GLRA3: variants seen among roughly 807,000 people sequenced by gnomAD.
The protein encoded by GLRA3 is glycine receptor subunit alpha-3.
A neutral mutation model predicts 60.4 loss-of-function variants in GLRA3; 44 were observed. The observed-to-expected ratio is 0.73, with a 90% CI of 0.57 to 0.94. GLRA3 has a LOEUF of 0.94. Among genes scored for constraint, GLRA3 ranks in the 40% least tolerant of loss-of-function variants. The pLI, the probability that GLRA3 is intolerant of heterozygous loss-of-function variation, is 0.00. For synonymous variants in GLRA3, 223 were observed against 192.9 expected (o/e 1.16, Z -1.29); for missense variants, 508 against 564.6 (o/e 0.90, Z 1.02).
intron 3 of GLRA3, among the ~76,000 whole-genome samples, chr4:174,761,296 C>A (rs754404695): frequency 6.6e-6 from 1 of 151,824 alleles, no homozygotes; most frequent in Non-Finnish European, 1.5e-5. Context: ...AGGTATCTCT[C>A]GAGAATCTAA....
intron 3 of GLRA3, among the ~76,000 whole-genome samples, chr4:174,733,465 A>G (rs1332396555): frequency 6.6e-6 from 1 of 152,162 alleles, no homozygotes; most frequent in East Asian, 1.9e-4. Flanking sequence ...AAAGATAGCA[A>G]AGGGCCCAGC....
At chr4:174,765,709 C>A (rs1016655068) in intron 3 of GLRA3, among the ~76,000 whole-genome samples, 5 of 151,922 alleles carry the variant, frequency 3.3e-5, no homozygotes, top group African/African-American at 1.2e-4. Context: ...AGAAATTGCA[C>A]CAGAACCAGA....
At position 174,691,271 on chromosome 4, in the gene GLRA3, A is replaced by T. The variant is rs140011670; in HGVS notation, c.575-8332T>A. Among the ~76,000 whole-genome samples the T allele has an allele frequency of 4.8e-3, 736 of 152,144 alleles. 2 individuals are homozygous for T. Among genetic ancestry groups the T allele is most frequent in the Middle Eastern group, 0.02 (6 of 294 alleles). On this transcript the variant is annotated intron_variant, in intron 5 of 9. Transcript: ENST00000274093. ...AAGATGGTATCTCATTGTGGTTTTGACTTGGATTTCTCTAATGGTCAGTGA... is the reference window on the plus strand; with the variant it reads ...AAGATGGTATCTCATTGTGGTTTTGTCTTGGATTTCTCTAATGGTCAGTGA...
intron 3 of GLRA3, among the ~76,000 whole-genome samples, chr4:174,766,616 T>G (rs1216711417): frequency 6.6e-6 from 1 of 152,064 alleles, no homozygotes; most frequent in East Asian, 1.9e-4. Context: ...GTAAGTGGGG[T>G]ACAGAGTAAA....
intron 7 of GLRA3, among the ~76,000 whole-genome samples, chr4:174,663,019 T>C (rs895772093): frequency 6.6e-6 from 1 of 152,056 alleles, no homozygotes; most frequent in Non-Finnish European, 1.5e-5. Context: ...AGATGACATA[T>C]GGAGATTCAC....
intron 3 of GLRA3, among the ~76,000 whole-genome samples, chr4:174,736,164 T>A (rs1371459952): frequency 1.3e-5 from 2 of 152,176 alleles, no homozygotes; most frequent in Non-Finnish European, 2.9e-5. Flanking sequence ...TTCTAACTAC[T>A]GTGTTTCCTT....
At chr4:174,681,402 C>A (rs532373992) in intron 6 of GLRA3, among the ~76,000 whole-genome samples, 23 of 152,202 alleles carry the variant, frequency 1.5e-4, no homozygotes, top group African/African-American at 5.5e-4. Context: ...TTTGCAGATA[C>A]AATCAAGTTA....
chr4:174,739,732 G>A (rs1736940141), intron 3 of GLRA3, among the ~76,000 whole-genome samples: 5 of 152,148 alleles, frequency 3.3e-5, no homozygotes, highest in Admixed American at 3.3e-4. Context: ...GCAGGAAGCG[G>A]TATGAAAAGG....
At chr4:174,763,966 T>C (rs538890249) in intron 3 of GLRA3, among the ~76,000 whole-genome samples, 7 of 152,292 alleles carry the variant, frequency 4.6e-5, no homozygotes, top group African/African-American at 7.2e-5. Context: ...GTTAAAATGC[T>C]CATAATATTT....
rs1325678980 is a variant in GLRA3, at chr4:174,637,949, C to T, written c.*5837G>A. The T allele has an allele frequency of 6.6e-6, 1 of 151,964 alleles. No individual in the cohort carries two copies. Among genetic ancestry groups the T allele is most frequent in the Admixed American group, 6.6e-5 (1 of 15,250 alleles). 9.4% of individuals were successfully genotyped at this position (151,964 alleles called of 1,614,324 possible). ...ATATCTCATCATTGTTTAACACTTA[C>T]AATGCTCTCATGAATGGTTTAAATA... On this transcript the variant is annotated 3_prime_UTR_variant, in exon 10 of 10. Transcript: ENST00000274093.
intron 7 of GLRA3, among the ~76,000 whole-genome samples, chr4:174,670,270 A>G (rs752097436): frequency 6.6e-6 from 1 of 152,106 alleles, no homozygotes; most frequent in Non-Finnish European, 1.5e-5. Flanking sequence ...TTGTGCTTCT[A>G]TAGCATCATT....
chr4:174,782,657 A>G (rs1738931989), intron 2 of GLRA3, among the ~76,000 whole-genome samples: 1 of 152,214 alleles, frequency 6.6e-6, no homozygotes, highest in African/African-American at 2.4e-5. Context: ...AATCACAAGC[A>G]TTCTTATACA....
intron 4 of GLRA3, among the ~76,000 whole-genome samples, chr4:174,721,031 G>GTGTGTGTGTT (rs1554015630): frequency 1.9e-4 from 29 of 150,994 alleles, no homozygotes; most frequent in African/African-American, 3.7e-4. Flanking sequence ...GTGTGTGTGT[G>GTGTGTGTGTT]TGTGTGTGTG....
intron 9 of GLRA3, among the ~76,000 whole-genome samples, chr4:174,649,098 C>A (rs1732940449): frequency 6.6e-6 from 1 of 152,050 alleles, no homozygotes; most frequent in Non-Finnish European, 1.5e-5. Context: ...GACTCGAAGG[C>A]CAGGATTTCC....
At chr4:174,780,044 T>G (rs1579594577) in intron 2 of GLRA3, among the ~76,000 whole-genome samples, 1 of 143,212 alleles carries the variant, frequency 7.0e-6, no homozygotes, top group South Asian at 2.3e-4. Flanking sequence ...AAGGAAAAAA[T>G]GTTAAGGGCA....
At chr4:174,749,963 G>T (rs980108258) in intron 3 of GLRA3, among the ~76,000 whole-genome samples, 2 of 152,004 alleles carry the variant, frequency 1.3e-5, no homozygotes, top group South Asian at 2.1e-4. Flanking sequence ...AAAATCTAAG[G>T]CTCTTGTGTT....
At chr4:174,703,344 C>T (rs545372119) in intron 5 of GLRA3, among the ~76,000 whole-genome samples, 60 of 152,186 alleles carry the variant, frequency 3.9e-4, no homozygotes, top group African/African-American at 1.3e-3. Flanking sequence ...GGGCTTTGAT[C>T]TCAGTATGGT....
At chr4:174,735,221 A>C (rs965096102) in intron 3 of GLRA3, among the ~76,000 whole-genome samples, 6 of 152,178 alleles carry the variant, frequency 3.9e-5, no homozygotes, top group Non-Finnish European at 7.3e-5. Flanking sequence ...CCTTCACAGC[A>C]AGTTGTGTCA....
intron 5 of GLRA3, among the ~76,000 whole-genome samples, chr4:174,691,787 A>G (rs1430886806): frequency 6.6e-6 from 1 of 152,138 alleles, no homozygotes; most frequent in African/African-American, 2.4e-5. Context: ...CAAAGTGCCA[A>G]GATTGCAGCC....
Sources: allele counts gnomAD v4.1 joint callset (sites outside exome capture counted in the v4.1 genomes callset), GRCh38; gene constraint gnomAD v4.1.1; transcripts MANE v1.5; gene names NCBI Gene and HGNC (gene_info 2026-07-23, HGNC 2026-07-21).